GOLPH3L: variants seen among roughly 807,000 people sequenced by gnomAD.
The protein encoded by GOLPH3L is golgi phosphoprotein 3 like.
GOLPH3L carries 22 observed loss-of-function variants against 30.3 expected under a neutral mutation model. That is an observed-to-expected ratio of 0.73 (90% CI 0.52 to 1.04). The LOEUF is 1.04. Ranked by LOEUF, GOLPH3L falls within the 50% of genes least tolerant of loss-of-function variation. The pLI is 0.00. For missense variants in GOLPH3L, 303 were observed against 345.8 expected (o/e 0.88, Z 0.98); for synonymous variants, 120 against 128.2 (o/e 0.94, Z 0.43).
chr1:150,676,774 G>A (rs1266647710), intron 2 of GOLPH3L, among the ~76,000 whole-genome samples: 2 of 151,346 alleles, frequency 1.3e-5, no homozygotes, highest in Admixed American at 6.6e-5. Context: ...CTCCCGAGTG[G>A]TTGGGATTAC....
At chr1:150,678,306 A>AAAAAAAAAAC in intron 2 of GOLPH3L, among the ~76,000 whole-genome samples, 1 of 150,882 alleles carries the variant, frequency 6.6e-6, no homozygotes, top group Non-Finnish European at 1.5e-5. Context: ...AAAAAAAAAA[A>AAAAAAAAAAC]AGGACAAATG....
intron 4 of GOLPH3L, among the ~76,000 whole-genome samples, chr1:150,660,485 T>G (rs929687005): frequency 2.6e-5 from 4 of 152,084 alleles, no homozygotes; most frequent in Non-Finnish European, 5.9e-5. Context: ...TGTGTATCAA[T>G]GTTCACAGCA....
intron 2 of GOLPH3L, among the ~76,000 whole-genome samples, chr1:150,684,731 G>A (rs902218256): frequency 1.3e-5 from 2 of 151,482 alleles, no homozygotes; most frequent in African/African-American, 2.4e-5. Context: ...GCAATGGTGC[G>A]ATCTCAGCTC....
chr1:150,694,151 G>A (rs762008849), intron 2 of GOLPH3L: 24 of 448,982 alleles, frequency 5.3e-5, no homozygotes, highest in South Asian at 1.5e-4. Context: ...GAGCCACCGC[G>A]TAATCCAACT....
chr1:150,664,131 T>C (rs1046549131), intron 2 of GOLPH3L, among the ~76,000 whole-genome samples: 2 of 152,042 alleles, frequency 1.3e-5, no homozygotes, highest in South Asian at 2.1e-4. Flanking sequence ...CCTGAGTAGC[T>C]GGGACTACAG....
chr1:150,654,352 C>T (rs1467984425), intron 4 of GOLPH3L, among the ~76,000 whole-genome samples: 1 of 151,092 alleles, frequency 6.6e-6, no homozygotes, highest in African/African-American at 2.4e-5. Flanking sequence ...ACTGAAAATA[C>T]AAAAATTAGC....
chr1:150,672,265 T>TA (rs1298631832), intron 2 of GOLPH3L, among the ~76,000 whole-genome samples: 1 of 152,202 alleles, frequency 6.6e-6, no homozygotes, highest in African/African-American at 2.4e-5. Flanking sequence ...TTTTTCCTCC[T>TA]AAAAAATTAC....
intron 2 of GOLPH3L, among the ~76,000 whole-genome samples, chr1:150,680,169 C>T (rs1211667167): frequency 6.6e-6 from 1 of 152,210 alleles, no homozygotes; most frequent in East Asian, 1.9e-4. Flanking sequence ...AAGGAGGTAT[C>T]AATGGCAAAG....
At chr1:150,694,597 C>A (rs587717743) in intron 2 of GOLPH3L, 59 bp downstream of exon 2, 2 of 1,086,070 alleles carry the variant, frequency 1.8e-6, no homozygotes, top group Non-Finnish European at 1.3e-6. Flanking sequence ...AGGTTACTTC[C>A]TAAAACATTC....
At chr1:150,670,748 T>A (rs1235968269) in intron 2 of GOLPH3L, among the ~76,000 whole-genome samples, 1 of 152,234 alleles carries the variant, frequency 6.6e-6, no homozygotes, top group African/African-American at 2.4e-5. Context: ...TTATTAATAT[T>A]ATTTCTAGAA....
At chr1:150,693,996 A>ATT (rs1473219066) in intron 2 of GOLPH3L, 1 of 253,358 alleles carries the variant, frequency 3.9e-6, no homozygotes, top group East Asian at 1.5e-4. Flanking sequence ...AGTACCTGGG[A>ATT]TTACAGGCAC....
chr1:150,670,369 G>A (rs1013588458), intron 2 of GOLPH3L, among the ~76,000 whole-genome samples: 7 of 152,050 alleles, frequency 4.6e-5, no homozygotes, highest in Admixed American at 6.6e-5. Flanking sequence ...AGGCTGAGGC[G>A]AGTGGATCAT....
At chr1:150,659,044 T>TA (rs1234945120) in intron 4 of GOLPH3L, among the ~76,000 whole-genome samples, 11 of 152,368 alleles carry the variant, frequency 7.2e-5, no homozygotes, top group Admixed American at 3.9e-4. Context: ...TAACAGCTAG[T>TA]AACCCATTAA....
At chr1:150,650,579 TCC>T (rs1473339192) in intron 4 of GOLPH3L, among the ~76,000 whole-genome samples, 2 of 152,032 alleles carry the variant, frequency 1.3e-5, no homozygotes, top group Admixed American at 6.6e-5. Flanking sequence ...GGCATTAGGT[TCC>T]CACAGGAGTG....
intron 2 of GOLPH3L, among the ~76,000 whole-genome samples, chr1:150,679,104 A>G (rs1650887110): frequency 6.6e-6 from 1 of 152,202 alleles, no homozygotes; most frequent in Admixed American, 6.5e-5. Context: ...GAACCTTCAC[A>G]ATTTTAAGAC....
At chr1:150,688,626 A>ACACC in intron 2 of GOLPH3L, among the ~76,000 whole-genome samples, 1 of 152,078 alleles carries the variant, frequency 6.6e-6, no homozygotes, top group Admixed American at 6.6e-5. Flanking sequence ...TGGCAGGTGC[A>ACACC]TGTAATACCA....
chr1:150,662,647 A>G (rs1405428688), intron 3 of GOLPH3L, among the ~76,000 whole-genome samples: 1 of 152,242 alleles, frequency 6.6e-6, no homozygotes, highest in Non-Finnish European at 1.5e-5. Flanking sequence ...CAAGTGATAC[A>G]AACTGAGACT....
chr1:150,674,495 T>G (rs150171703), intron 2 of GOLPH3L, among the ~76,000 whole-genome samples: 1,871 of 152,166 alleles, frequency 0.012, 44 homozygotes, highest in African/African-American at 0.043. Context: ...ACTCCTGACC[T>G]CAGGTGATCT....
chr1:150,683,879 T>G (rs1405222555), intron 2 of GOLPH3L, among the ~76,000 whole-genome samples: 1 of 152,112 alleles, frequency 6.6e-6, no homozygotes, highest in Non-Finnish European at 1.5e-5. Context: ...AACCTATTTT[T>G]TCTAAAACCT....
Sources: allele counts gnomAD v4.1 joint callset (sites outside exome capture counted in the v4.1 genomes callset), GRCh38; gene constraint gnomAD v4.1.1; transcripts MANE v1.5; gene names NCBI Gene and HGNC (gene_info 2026-07-23, HGNC 2026-07-21).